Variants in SYN3 observed in about 807,000 individuals in gnomAD.
SYN3 encodes synapsin III.
In SYN3, 35 loss-of-function variants were observed where a neutral mutation model predicts 65.8. That is an observed-to-expected ratio of 0.53 (90% CI 0.41 to 0.70). SYN3 has a LOEUF of 0.70. SYN3 is among the 30% of genes least tolerant of loss of function. The pLI, the probability that SYN3 is intolerant of heterozygous loss-of-function variation, is 0.00. For synonymous variants in SYN3, 270 were observed against 292.9 expected (o/e 0.92, Z 0.80); for missense variants, 680 against 749.0 (o/e 0.91, Z 1.08).
chr22:32,545,798 T>C (rs1235820691), intron 7 of SYN3, among the ~76,000 whole-genome samples: 2 of 152,214 alleles, frequency 1.3e-5, no homozygotes, highest in Non-Finnish European at 2.9e-5. Flanking sequence ...TGACCTCAAG[T>C]GATCCACCCA....
chr22:32,570,643 TTA>T lies in SYN3; in HGVS notation c.774+26029_774+26030del, dbSNP rs1372404990. On this transcript the variant is annotated intron_variant, in intron 7 of 13. Transcript: ENST00000358763. ...TATGCCGCATTTAGCAACTCTACCC[TTA>T]TAGAAAAAACAGCTTAGAATCTCAG... Among the ~76,000 whole-genome samples the T allele has an allele frequency of 6.6e-5, 10 of 152,192 alleles. No individual in the cohort carries two copies. In the East Asian group the frequency reaches 1.9e-3, roughly 29 times the overall value.
intron 1 of SYN3, among the ~76,000 whole-genome samples, chr22:33,033,797 C>G (rs1232330291): frequency 1.3e-5 from 2 of 152,086 alleles, no homozygotes; most frequent in African/African-American, 4.8e-5. Flanking sequence ...TAGGTGCAGA[C>G]GAGGGAACAG....
rs111782519 is a variant in SYN3, at chr22:32,611,508, G to C, written c.712-14772C>G. ...GGGGATTCACTATGTTGGCCAGGCT[G>C]GTCTCGAACTCCTGACCTCGTGATC... On this transcript the variant is annotated intron_variant, in intron 6 of 13. Coordinates refer to ENST00000358763, the MANE Select transcript of SYN3 (RefSeq NM_003490.4). 9.9e-5 allele frequency among the ~76,000 whole-genome samples: 15 copies of C among 152,042 alleles called. 1 individual carries two copies. Among genetic ancestry groups the C allele is most frequent in the African/African-American group, 3.6e-4 (15 of 41,468 alleles).
chr22:32,767,333 T>G (rs1412121039), intron 6 of SYN3, among the ~76,000 whole-genome samples: 1 of 152,146 alleles, frequency 6.6e-6, no homozygotes, highest in Non-Finnish European at 1.5e-5. Context: ...CAATCCAGTT[T>G]CTGCTCCCAC....
At chr22:32,623,185 T>G (rs1026264841) in intron 6 of SYN3, among the ~76,000 whole-genome samples, 2 of 151,826 alleles carry the variant, frequency 1.3e-5, no homozygotes, top group Non-Finnish European at 2.9e-5. Context: ...TTTTTTTTTG[T>G]CATAGTTTTT....
intron 6 of SYN3, among the ~76,000 whole-genome samples, chr22:32,818,550 G>T (rs534731209): frequency 6.6e-6 from 1 of 152,150 alleles, no homozygotes; most frequent in African/African-American, 2.4e-5. Context: ...CGCTTTCAGA[G>T]TATTTAAAGG....
chr22:32,605,007 GAAAAAAAAA>G (rs543726592), intron 6 of SYN3, among the ~76,000 whole-genome samples: 1 of 91,162 alleles, frequency 1.1e-5, no homozygotes, highest in Non-Finnish European at 2.0e-5. Flanking sequence ...CTCCATCTCA[GAAAAAAAAA>G]AAAAAAAAAA....
chr22:32,867,770 A>T (rs1019089185), intron 5 of SYN3, among the ~76,000 whole-genome samples: 2 of 152,086 alleles, frequency 1.3e-5, no homozygotes, highest in African/African-American at 4.8e-5. Flanking sequence ...TTTAGTAGAG[A>T]CGGGGTTTCA....
At chr22:32,631,792 G>A (rs565344541) in intron 6 of SYN3, among the ~76,000 whole-genome samples, 36 of 152,288 alleles carry the variant, frequency 2.4e-4, no homozygotes, top group African/African-American at 8.7e-4. Context: ...GAGAGGGTGA[G>A]TAACTTGCCC....
At chr22:32,535,781 C>G (rs1349479097) in intron 9 of SYN3, among the ~76,000 whole-genome samples, 1 of 147,048 alleles carries the variant, frequency 6.8e-6, no homozygotes, top group Non-Finnish European at 1.5e-5. Flanking sequence ...CTTGGAGAAT[C>G]GGGGGGGGGG....
intron 2 of SYN3, among the ~76,000 whole-genome samples, chr22:32,996,691 G>A (rs968303349): frequency 1.3e-5 from 2 of 152,200 alleles, no homozygotes; most frequent in African/African-American, 4.8e-5. Context: ...AGATCCCTTG[G>A]TGCTTTAAAA....
intron 6 of SYN3, among the ~76,000 whole-genome samples, chr22:32,701,054 T>C (rs2060804412): frequency 6.6e-6 from 1 of 152,248 alleles, no homozygotes; most frequent in African/African-American, 2.4e-5. Context: ...TCTTAACTGC[T>C]GCTTCCCTGA....
intron 6 of SYN3, among the ~76,000 whole-genome samples, chr22:32,731,715 A>T (rs1029461699): frequency 6.6e-6 from 1 of 152,228 alleles, no homozygotes; most frequent in African/African-American, 2.4e-5. Context: ...TTGTGGGCTA[A>T]ATCCTCCACG....
chr22:32,542,428 G>A (rs2058271072), intron 7 of SYN3, among the ~76,000 whole-genome samples: 1 of 151,708 alleles, frequency 6.6e-6, no homozygotes, highest in Admixed American at 6.6e-5. Context: ...TGTTCTTTGT[G>A]TATTCATATG....
At chr22:32,869,690 G>GTTTTTTTTTTTT (rs748620876) in intron 4 of SYN3, among the ~76,000 whole-genome samples, 1 of 114,926 alleles carries the variant, frequency 8.7e-6, no homozygotes. Flanking sequence ...ACACATCTTG[G>GTTTTTTTTTTTT]TTTTTTTTTT....
intron 6 of SYN3, among the ~76,000 whole-genome samples, chr22:32,820,071 T>A (rs2047192670): frequency 6.6e-6 from 1 of 151,876 alleles, no homozygotes; most frequent in Non-Finnish European, 1.5e-5. Flanking sequence ...TGAGAGTGGG[T>A]GCTTTTCTGA....
intron 6 of SYN3, among the ~76,000 whole-genome samples, chr22:32,778,463 A>ATT (rs11410709): frequency 4.6e-5 from 7 of 151,458 alleles, no homozygotes; most frequent in African/African-American, 1.5e-4. Flanking sequence ...TAATTTTTGT[A>ATT]TTTTTTTTTT....
intron 3 of SYN3, among the ~76,000 whole-genome samples, chr22:32,971,481 G>A (rs186467317): frequency 2.0e-5 from 3 of 152,276 alleles, no homozygotes; most frequent in Non-Finnish European, 4.4e-5. Context: ...AGTTCTGTCC[G>A]ACTCAGTCCT....
intron 1 of SYN3, among the ~76,000 whole-genome samples, chr22:33,043,288 C>CT (rs1350637817): frequency 1.3e-5 from 2 of 152,328 alleles, no homozygotes; most frequent in East Asian, 3.9e-4. Context: ...TGGCTCACGC[C>CT]TATAATCCCA....
Sources: gnomAD v4.1 joint callset for allele counts (sites outside exome capture counted in the v4.1 genomes callset) on GRCh38, gnomAD v4.1.1 for gene constraint, MANE v1.5 for transcripts, NCBI Gene and HGNC (gene_info 2026-07-23, HGNC 2026-07-21) for gene names.